The following CA10 variants were observed in gnomAD, a reference collection of about 807,000 sequenced individuals.
The protein encoded by CA10 is carbonic anhydrase 10 (inactive), also known as carbonic anhydrase-related protein 10.
A neutral mutation model predicts 44.2 loss-of-function variants in CA10; 14 were observed. The ratio of observed to expected loss-of-function variants is 0.32; its 90% CI spans 0.21 to 0.50. The LOEUF (loss-of-function observed/expected upper bound fraction) is 0.50, where lower values mean the gene tolerates loss of function less well. Among genes scored for constraint, CA10 ranks in the 20% least tolerant of loss-of-function variants. The probability of loss-of-function intolerance (pLI) is 0.99; values close to 1 mark genes in which losing one functional copy is unlikely to be tolerated. For missense variants in CA10, 350 were observed against 409.7 expected (o/e 0.85, Z 1.26); for synonymous variants, 159 against 141.6 (o/e 1.12, Z -0.87).
At chr17:51,812,996 GTTAT>G (rs1907429972) in intron 3 of CA10, among the ~76,000 whole-genome samples, 1 of 152,130 alleles carries the variant, frequency 6.6e-6, no homozygotes, top group African/African-American at 2.4e-5. Flanking sequence ...ACATGATCAG[GTTAT>G]TTATTTACTT....
chr17:51,968,472 A>T (rs1422313872), intron 2 of CA10, among the ~76,000 whole-genome samples: 1 of 151,934 alleles, frequency 6.6e-6, no homozygotes, highest in Non-Finnish European at 1.5e-5. Flanking sequence ...CAAAACAAAA[A>T]CAAAACAGAT....
intron 3 of CA10, among the ~76,000 whole-genome samples, chr17:51,881,539 T>G (rs1980376102): frequency 6.6e-6 from 1 of 151,986 alleles, no homozygotes; most frequent in South Asian, 2.1e-4. Flanking sequence ...ATAAGAATGG[T>G]TAATATTCAT....
intron 4 of CA10, among the ~76,000 whole-genome samples, chr17:51,698,207 C>G (rs1915467187): frequency 1.3e-5 from 2 of 152,196 alleles, no homozygotes; most frequent in South Asian, 4.1e-4. Context: ...ATTGCTGTCG[C>G]TATGTTCTCC....
At chr17:51,644,228 T>G (rs1913227029) in intron 6 of CA10, among the ~76,000 whole-genome samples, 1 of 151,792 alleles carries the variant, frequency 6.6e-6, no homozygotes, top group Non-Finnish European at 1.5e-5. Context: ...ACCGGGCAAA[T>G]GGACTGTGTC....
At chr17:51,893,597 A>G (rs1980951535) in intron 3 of CA10, among the ~76,000 whole-genome samples, 1 of 152,182 alleles carries the variant, frequency 6.6e-6, no homozygotes, top group Non-Finnish European at 1.5e-5. Flanking sequence ...CCAACTACTG[A>G]GTGAGATAAA....
intron 2 of CA10, among the ~76,000 whole-genome samples, chr17:52,025,731 A>T (rs897094391): frequency 2.0e-5 from 3 of 152,134 alleles, no homozygotes; most frequent in African/African-American, 7.2e-5. Context: ...ATTGTAGAGA[A>T]GTAAAACATG....
intron 4 of CA10, among the ~76,000 whole-genome samples, chr17:51,705,868 G>T (rs1915748159): frequency 6.6e-6 from 1 of 152,090 alleles, no homozygotes; most frequent in Non-Finnish European, 1.5e-5. Context: ...ATTTGACCAG[G>T]GGTCTCTGCC....
At chr17:52,069,411 C>A (rs1472456583) in intron 2 of CA10, among the ~76,000 whole-genome samples, 1 of 152,168 alleles carries the variant, frequency 6.6e-6, no homozygotes, top group Non-Finnish European at 1.5e-5. Context: ...AGTCAGGGCT[C>A]TGCCTGCAAG....
intron 4 of CA10, among the ~76,000 whole-genome samples, chr17:51,725,844 C>G (rs1916498360): frequency 6.6e-6 from 1 of 152,146 alleles, no homozygotes; most frequent in African/African-American, 2.4e-5. Flanking sequence ...AGTGCCTACT[C>G]TATGCTGGAC....
intron 2 of CA10, among the ~76,000 whole-genome samples, chr17:51,997,645 G>A (rs150071816): frequency 2.1e-3 from 321 of 152,204 alleles, no homozygotes; most frequent in African/African-American, 7.2e-3. Context: ...TCTGGAGGTA[G>A]AAGAGAGTTA....
chr17:51,985,262 G>A (rs1430460857), intron 2 of CA10, among the ~76,000 whole-genome samples: 2 of 151,816 alleles, frequency 1.3e-5, no homozygotes, highest in Non-Finnish European at 2.9e-5. Context: ...TAAAAACAAA[G>A]ACTACATGAT....
At chr17:52,026,690 G>C (rs1428325205) in intron 2 of CA10, among the ~76,000 whole-genome samples, 1 of 152,118 alleles carries the variant, frequency 6.6e-6, no homozygotes, top group Non-Finnish European at 1.5e-5. Context: ...AGGGGGAAAA[G>C]CCCTTTATAA....
At chr17:51,876,048 TTAAC>T (rs1307659959) in intron 3 of CA10, among the ~76,000 whole-genome samples, 3 of 152,210 alleles carry the variant, frequency 2.0e-5, no homozygotes, top group Non-Finnish European at 4.4e-5. Context: ...GTTTATCTGT[TTAAC>T]TATGGAAAGA....
At chr17:52,076,781 G>C (rs978620148) in intron 1 of CA10, among the ~76,000 whole-genome samples, 5 of 152,198 alleles carry the variant, frequency 3.3e-5, no homozygotes, top group African/African-American at 1.2e-4. Flanking sequence ...CCTCCCACCA[G>C]ATCCTTGGTA....
intron 1 of CA10, among the ~76,000 whole-genome samples, chr17:52,075,863 C>T (rs1987805007): frequency 6.6e-6 from 1 of 152,130 alleles, no homozygotes; most frequent in Non-Finnish European, 1.5e-5. Context: ...ACATCTTTCC[C>T]CATCTATCTG....
rs180961423 is a variant in CA10 at position 51,967,229 on chromosome 17, C to T, written c.137-36097G>A. Among the ~76,000 whole-genome samples, 49 of 151,688 alleles carry T rather than the reference C, an allele frequency of 3.2e-4. 2 individuals carry two copies. In the East Asian group the frequency reaches 3.5e-3, roughly 11 times the overall value. ...CTACAGAGAAAAGAGAACATTTATA[C>T]ACTGTTGATAGAAATGTAAATTTGT... On this transcript the variant is annotated intron_variant, in intron 2 of 8. Transcript: ENST00000451037.
intron 2 of CA10, among the ~76,000 whole-genome samples, chr17:52,012,710 C>T (rs1227063163): frequency 3.3e-5 from 5 of 151,900 alleles, no homozygotes; most frequent in African/African-American, 1.2e-4. Flanking sequence ...CCAAATTTAA[C>T]ATTTTCTAAT....
intron 4 of CA10, among the ~76,000 whole-genome samples, chr17:51,725,975 G>A (rs565045912): frequency 0.02 from 2 of 100 alleles, no homozygotes; most frequent in African/African-American, 0.077. Context: ...GCCCCAAAGA[G>A]TCATTCACCT....
intron 3 of CA10, among the ~76,000 whole-genome samples, chr17:51,790,491 G>T (rs1211611260): frequency 3.3e-5 from 5 of 152,204 alleles, no homozygotes; most frequent in African/African-American, 1.2e-4. Flanking sequence ...GTTCTAGTGA[G>T]CATTCTTTTC....
Sources: allele counts gnomAD v4.1 joint callset (sites outside exome capture counted in the v4.1 genomes callset), GRCh38; gene constraint gnomAD v4.1.1; transcripts MANE v1.5; gene names NCBI Gene and HGNC (gene_info 2026-07-23, HGNC 2026-07-21).